MACROH2A2: variants seen among roughly 807,000 people sequenced by gnomAD.
The protein encoded by MACROH2A2 is macroH2A.2 histone, also known as core histone macro-H2A.2.
In MACROH2A2, 6 loss-of-function variants were observed where a neutral mutation model predicts 37.6. The observed-to-expected ratio is 0.16, with a 90% CI of 0.09 to 0.32. The LOEUF (loss-of-function observed/expected upper bound fraction) is 0.32, where lower values mean the gene tolerates loss of function less well. MACROH2A2 is among the 10% of genes least tolerant of loss of function. The probability of loss-of-function intolerance (pLI) is 1.00; values close to 1 mark genes in which losing one functional copy is unlikely to be tolerated. For missense variants in MACROH2A2, 290 were observed against 485.9 expected, an observed-to-expected ratio of 0.60 and a Z score of 3.79; for synonymous variants, 192 against 202.7, an observed-to-expected ratio of 0.95 and a Z score of 0.45.
chr10:70,064,379 T>G (rs2072067114), intron 1 of MACROH2A2, among the ~76,000 whole-genome samples: 1 of 152,038 alleles, frequency 6.6e-6, no homozygotes, highest in East Asian at 1.9e-4. Context: ...AAAAAAAGAT[T>G]AAAAAACTAC....
At position 70,058,236 on chromosome 10, in the gene MACROH2A2, C is replaced by A. The variant is rs568791585; in HGVS notation, c.-60+5236C>A. Among the ~76,000 whole-genome samples, 3 of 152,290 alleles carry A rather than the reference C, an allele frequency of 2.0e-5. No homozygotes were observed. The East Asian group carries it at 5.8e-4, about 29-fold the overall frequency. ...TCTGAAGCCCTTACTGTTCATTTAT[C>A]CATCTCACCATCCATCATACTTTGC... On this transcript the variant is annotated intron_variant, in intron 1 of 8. Transcript: ENST00000373255.
chr10:70,082,328 G>A (rs994268387), intron 2 of MACROH2A2, among the ~76,000 whole-genome samples: 12 of 151,794 alleles, frequency 7.9e-5, no homozygotes, highest in African/African-American at 2.9e-4. Flanking sequence ...TGAGGCAGAA[G>A]AATCGCTTGA....
intron 1 of MACROH2A2, among the ~76,000 whole-genome samples, chr10:70,059,006 C>T (rs187303232): frequency 3.3e-5 from 5 of 152,116 alleles, no homozygotes; most frequent in Non-Finnish European, 7.4e-5. Flanking sequence ...AAAGGCAGTC[C>T]TAGATATAAA....
In MACROH2A2 at chr10:70,089,879, C is replaced by T. The variant is rs539630949; in HGVS notation, c.173-181C>T. Among the ~76,000 whole-genome samples the T allele has an allele frequency of 2.0e-5, 3 of 152,238 alleles. No individual in the cohort carries two copies. The East Asian group carries it at 5.8e-4, about 29-fold the overall frequency. ...CTGGGCTCAAGCGATCCTCCTGCCT[C>T]GGCCTCCTGAGTAGCTGGGACTAAC... is the stretch of plus-strand genomic sequence containing the variant. On this transcript the variant is annotated intron_variant, in intron 2 of 8. Coordinates refer to ENST00000373255, the MANE Select transcript of MACROH2A2 (RefSeq NM_018649.3).
intron 4 of MACROH2A2, 30 bp from the exon 5 acceptor site, chr10:70,093,705 C>T: frequency 8.0e-7 from 1 of 1,252,154 alleles, no homozygotes; most frequent in Non-Finnish European, 1.2e-6. Context: ...TGGATTGGTT[C>T]TCATCTTGCC....
chr10:70,078,161 G>A (rs929689885), intron 2 of MACROH2A2, among the ~76,000 whole-genome samples: 1 of 152,204 alleles, frequency 6.6e-6, no homozygotes, highest in Non-Finnish European at 1.5e-5. Context: ...TGAGATAAAC[G>A]AAGCTTACCT....
chr10:70,056,155 G>C (rs921180468), intron 1 of MACROH2A2, among the ~76,000 whole-genome samples: 1 of 152,202 alleles, frequency 6.6e-6, no homozygotes, highest in African/African-American at 2.4e-5. Flanking sequence ...ACAAGAACTA[G>C]AGGAATTGTC....
At position 70,091,835 on chromosome 10, in the gene MACROH2A2, A is replaced by C; in HGVS notation, c.358A>C (p.Thr120Pro). 1 of 1,614,110 alleles carries C rather than the reference A, an allele frequency of 6.2e-7. No individual in the cohort carries two copies. Among genetic ancestry groups the C allele is most frequent in the Non-Finnish European group, 8.5e-7 (1 of 1,179,992 alleles). The change falls in exon 4 of 9, where the codon ACC becomes CCC. Residue 120 changes from threonine to proline, a missense_variant. Physicochemically the swap from Thr to Pro is conservative, Grantham distance 38 (BLOSUM62 -1). Around this residue, in one of 3 missense-constraint regions of MACROH2A2, gnomAD observed 77 missense variants for 68.9 expected, o/e 1.12. Coordinates refer to ENST00000373255, the MANE Select transcript of MACROH2A2 (RefSeq NM_018649.3). ...HPELLAKKRG[T>P]KGKSETILSP... ...CGAACTGCTGGCCAAAAAGCGAGGG[A>C]CCAAAGGCAAGTCGGAAACGATCCT...
At chr10:70,104,154 C>T (rs10762338) in intron 7 of MACROH2A2, among the ~76,000 whole-genome samples, 47,720 of 152,078 alleles carry the variant, frequency 0.31, 9,168 homozygotes, top group East Asian at 0.6. Context: ...TAACACCACA[C>T]TGCATTTCAT....
chr10:70,098,807 T>C (rs1025695595), intron 6 of MACROH2A2: 1 of 152,400 alleles, frequency 6.6e-6, no homozygotes. Flanking sequence ...CTTCTCTAGA[T>C]TCCGCCATTC....
chr10:70,093,357 C>G (rs1010567000), intron 4 of MACROH2A2, among the ~76,000 whole-genome samples: 12 of 152,154 alleles, frequency 7.9e-5, no homozygotes, highest in African/African-American at 2.9e-4. Context: ...TCCACACTGC[C>G]TCTGTGCCCC....
At position 70,095,812 on chromosome 10, in the gene MACROH2A2, CTTGTGAAGCTGATCA is replaced by C. The variant is rs530166062; in HGVS notation, c.688+64_688+78del. ...GAATAGGCCACTGTTCAGGCAAGTT[CTTGTGAAGCTGATCA>C]TTGTCAACTGGCTGTCCCTCCGCTG... On this transcript the variant is annotated intron_variant, in intron 6 of 8. Coordinates refer to ENST00000373255, the MANE Select transcript of MACROH2A2 (RefSeq NM_018649.3). The C allele has an allele frequency of 1.4e-3, 1,124 of 805,760 alleles. 9 individuals carry two copies. The African/African-American group carries it at 0.017, about 12-fold the overall frequency. The allele number at this position is 805,760 out of a possible 1,614,324, so 49.9% of individuals were successfully genotyped here. A position where few individuals can be genotyped will look rare whatever the true frequency, so the allele number is the denominator to read the frequency against.
At chr10:70,054,964 T>C (rs2072005342) in intron 1 of MACROH2A2, among the ~76,000 whole-genome samples, 1 of 152,202 alleles carries the variant, frequency 6.6e-6, no homozygotes, top group African/African-American at 2.4e-5. Context: ...AGTGGTTTCC[T>C]CTATATCAAA....
chr10:70,070,987 G>GTGTGCA lies in MACROH2A2; in HGVS notation c.-59-4602_-59-4597dup, dbSNP rs1554821722. Among the ~76,000 whole-genome samples, 1,276 of 151,424 alleles carry GTGTGCA rather than the reference G, an allele frequency of 8.4e-3. 13 individuals carry two copies. Among genetic ancestry groups the GTGTGCA allele is most frequent in the African/African-American group, 0.029 (1,196 of 41,076 alleles). The stretch of plus-strand genomic sequence containing the variant: ...AGTGTGTGTGTGTGTGTGTGTGTCT[G>GTGTGCA]TGTGCATGTGCATGTGTGTGTGTGT... On this transcript the variant is annotated intron_variant, in intron 1 of 8. Transcript: ENST00000373255.
chr10:70,061,065 G>C (rs893997753), intron 1 of MACROH2A2, among the ~76,000 whole-genome samples: 1 of 152,010 alleles, frequency 6.6e-6, no homozygotes, highest in Admixed American at 6.5e-5. Flanking sequence ...GTTAAATAAA[G>C]TTTATCCTTT....
intron 8 of MACROH2A2, among the ~76,000 whole-genome samples, chr10:70,110,759 C>G (rs2072367588): frequency 6.6e-6 from 1 of 151,966 alleles, no homozygotes; most frequent in African/African-American, 2.4e-5. Flanking sequence ...TAGGCACACG[C>G]CTTTAGTCCC....
rs372404049 is a variant in MACROH2A2, at chr10:70,100,769, A to G, written c.778+472A>G. ...GTTGCTGGAATTACAGGCGCATGCC[A>G]CCATGCCTGGCTAGTGTTTGTATTT... On this transcript the variant is annotated intron_variant, in intron 7 of 8. Coordinates refer to ENST00000373255, the MANE Select transcript of MACROH2A2 (RefSeq NM_018649.3). Among the ~76,000 whole-genome samples, 22 of 152,158 alleles carry G rather than the reference A, an allele frequency of 1.4e-4. No homozygotes were observed. In the South Asian group the frequency reaches 4.4e-3, roughly 30 times the overall value.
intron 4 of MACROH2A2, among the ~76,000 whole-genome samples, chr10:70,092,514 G>T (rs1490040432): frequency 6.6e-6 from 1 of 152,200 alleles, no homozygotes; most frequent in African/African-American, 2.4e-5. Context: ...AGCAGCCCAG[G>T]CAGACACTAA....
At chr10:70,108,096 T>C (rs2072348436) in intron 7 of MACROH2A2, among the ~76,000 whole-genome samples, 1 of 152,044 alleles carries the variant, frequency 6.6e-6, no homozygotes, top group African/African-American at 2.4e-5. Flanking sequence ...TAATCCCAGC[T>C]ACTCGAGAGG....
Sources: gnomAD v4.1 joint callset for allele counts (sites outside exome capture counted in the v4.1 genomes callset) on GRCh38, gnomAD v4.1.1 for gene constraint, gnomAD v4.1.1 regional missense constraint, MANE v1.5 for transcripts, NCBI Gene and HGNC (gene_info 2026-07-23, HGNC 2026-07-21) for gene names.